Variants in AGBL4 observed in about 807,000 individuals in gnomAD.
AGBL4 encodes AGBL carboxypeptidase 4, also known as cytosolic carboxypeptidase 6.
Under a neutral mutation model 66.4 loss-of-function variants are expected in AGBL4, and 58 were observed. That is an observed-to-expected ratio of 0.87 (90% CI 0.71 to 1.09). The LOEUF (loss-of-function observed/expected upper bound fraction) is 1.09. AGBL4 is among the 50% of genes least tolerant of loss of function. The pLI, the probability that AGBL4 is intolerant of heterozygous loss-of-function variation, is 0.00. For missense variants in AGBL4, 579 were observed against 631.0 expected, an observed-to-expected ratio of 0.92 and a Z score of 0.88; for synonymous variants, 234 against 222.9, an observed-to-expected ratio of 1.05 and a Z score of -0.44.
intron 5 of AGBL4, among the ~76,000 whole-genome samples, chr1:48,999,474 C>T (rs1404563415): frequency 6.6e-6 from 1 of 152,172 alleles, no homozygotes; most frequent in Non-Finnish European, 1.5e-5. Flanking sequence ...GAGAACAGGA[C>T]ATTCACTTAA....
intron 1 of AGBL4, among the ~76,000 whole-genome samples, chr1:49,881,022 G>C (rs980802777): frequency 6.6e-6 from 1 of 152,078 alleles, no homozygotes; most frequent in Admixed American, 6.5e-5. Context: ...TTAGGCTCGC[G>C]CACAGTGCGC....
intron 3 of AGBL4, among the ~76,000 whole-genome samples, chr1:49,276,889 T>A (rs1031448487): frequency 6.6e-6 from 1 of 152,202 alleles, no homozygotes; most frequent in Admixed American, 6.5e-5. Flanking sequence ...TTTGTATGTC[T>A]TTTATTAATC....
At chr1:48,896,670 T>TAGG (rs56346781) in intron 5 of AGBL4, among the ~76,000 whole-genome samples, 130,549 of 151,888 alleles carry the variant, frequency 0.86, 57,380 homozygotes, top group Non-Finnish European at 0.96. Context: ...GGGGAGTAGG[T>TAGG]AGGAGAAGCA....
In AGBL4 at chr1:49,923,001, G is replaced by A. The variant is rs143909954; in HGVS notation, c.35-71483C>T. Among the ~76,000 whole-genome samples the A allele has an allele frequency of 2.3e-3, 357 of 152,180 alleles. 12 individuals are homozygous for A. In the East Asian group the frequency reaches 0.059, roughly 25 times the overall value. ...TCTTAGGGAACCAAAAAAAGAGCTC[G>A]AATAGCCAAGACAATCCTAAGCAAA... On this transcript the variant is annotated intron_variant, in intron 1 of 13. Coordinates refer to ENST00000371839, the MANE Select transcript of AGBL4 (RefSeq NM_032785.4).
At chr1:49,521,911 A>G (rs369977342) in intron 3 of AGBL4, among the ~76,000 whole-genome samples, 1 of 36,728 alleles carries the variant, frequency 2.7e-5, no homozygotes, top group Non-Finnish European at 1.0e-4. Flanking sequence ...AAACTATTAG[A>G]GGGGGGAATG....
intron 4 of AGBL4, among the ~76,000 whole-genome samples, chr1:49,053,877 G>A (rs941238229): frequency 3.9e-5 from 6 of 152,180 alleles, no homozygotes; most frequent in Admixed American, 3.3e-4. Context: ...CTGATAACAT[G>A]CCCGCATAAA....
At chr1:48,575,672 A>T (rs1644642006) in intron 11 of AGBL4, among the ~76,000 whole-genome samples, 1 of 152,024 alleles carries the variant, frequency 6.6e-6, no homozygotes, top group South Asian at 2.1e-4. Context: ...CTCCCTTCTC[A>T]TCCTTCTAGA....
chr1:49,313,971 G>T (rs1644990614), intron 3 of AGBL4, among the ~76,000 whole-genome samples: 1 of 152,084 alleles, frequency 6.6e-6, no homozygotes. Flanking sequence ...GTGTTGCCTA[G>T]GTTTTCTTCT....
intron 4 of AGBL4, among the ~76,000 whole-genome samples, chr1:49,148,422 G>C (rs1646261310): frequency 6.6e-6 from 1 of 152,076 alleles, no homozygotes; most frequent in Admixed American, 6.6e-5. Context: ...ACCTATTGTG[G>C]GTATAATTCT....
chr1:48,749,588 C>T (rs1262785256), intron 6 of AGBL4, among the ~76,000 whole-genome samples: 1 of 152,184 alleles, frequency 6.6e-6, no homozygotes, highest in Non-Finnish European at 1.5e-5. Flanking sequence ...AGCTTCTTGC[C>T]TAATGCTCAC....
chr1:49,927,540 C>T (rs917628305), intron 1 of AGBL4, among the ~76,000 whole-genome samples: 2 of 152,030 alleles, frequency 1.3e-5, no homozygotes, highest in Admixed American at 6.6e-5. Flanking sequence ...AGAAACCACC[C>T]GAATGATCCA....
intron 3 of AGBL4, among the ~76,000 whole-genome samples, chr1:49,252,345 G>C (rs749453974): frequency 6.6e-6 from 1 of 151,704 alleles, no homozygotes; most frequent in African/African-American, 2.4e-5. Context: ...TAAGACAGGC[G>C]GACAAGAATA....
intron 6 of AGBL4, among the ~76,000 whole-genome samples, chr1:48,713,802 GATA>G (rs778761258): frequency 1.3e-5 from 2 of 152,104 alleles, no homozygotes; most frequent in African/African-American, 2.4e-5. Flanking sequence ...TCTCATCTGG[GATA>G]ATGTTTCCTG....
intron 5 of AGBL4, among the ~76,000 whole-genome samples, chr1:48,965,303 G>C (rs918912037): frequency 6.6e-6 from 1 of 152,132 alleles, no homozygotes; most frequent in African/African-American, 2.4e-5. Context: ...GGGGAACAGA[G>C]GAGGCTTCAT....
intron 1 of AGBL4, among the ~76,000 whole-genome samples, chr1:49,922,340 C>A (rs2148242879): frequency 6.6e-6 from 1 of 152,256 alleles, no homozygotes; most frequent in African/African-American, 2.4e-5. Flanking sequence ...AAACCCACAG[C>A]TAACATCATA....
Position 49,476,755 on chromosome 1 carries a change from T to C in AGBL4, c.282+220558A>G, listed in dbSNP as rs569841734. ...TGCTATTTTTTGTTTTAAATTTGTG[T>C]GATAGATCTTTCTCCATCCCTTTAC... On this transcript the variant is annotated intron_variant, in intron 3 of 13. Transcript: ENST00000371839. Among the ~76,000 whole-genome samples, 8 of 152,250 alleles carry C rather than the reference T, an allele frequency of 5.3e-5. No individual in the cohort carries two copies. In the South Asian group the frequency reaches 1.5e-3, roughly 28 times the overall value.
intron 5 of AGBL4, among the ~76,000 whole-genome samples, chr1:48,935,212 C>G (rs538667452): frequency 1.3e-5 from 2 of 152,302 alleles, no homozygotes; most frequent in Admixed American, 6.5e-5. Flanking sequence ...GTTTAAAACA[C>G]TCCAATATAT....
At chr1:49,631,984 A>G (rs1645578452) in intron 3 of AGBL4, among the ~76,000 whole-genome samples, 3 of 152,188 alleles carry the variant, frequency 2.0e-5, no homozygotes, top group South Asian at 2.1e-4. Context: ...AATTCTGGCT[A>G]TTAGTCAACT....
intron 4 of AGBL4, among the ~76,000 whole-genome samples, chr1:49,055,604 T>C (rs1056675207): frequency 1.3e-5 from 2 of 152,016 alleles, no homozygotes; most frequent in Non-Finnish European, 2.9e-5. Context: ...CATGAGAACA[T>C]ATTAGAAAAA....
Sources: allele counts gnomAD v4.1 joint callset (sites outside exome capture counted in the v4.1 genomes callset), GRCh38; gene constraint gnomAD v4.1.1; transcripts MANE v1.5; gene names NCBI Gene and HGNC (gene_info 2026-07-23, HGNC 2026-07-21).